The following PDPN variants were observed in gnomAD, a reference collection of about 807,000 sequenced individuals.
PDPN encodes PA2.26 antigen.
Under a neutral mutation model 23.2 loss-of-function variants are expected in PDPN, and 12 were observed. The observed-to-expected ratio is 0.52, with a 90% confidence interval of 0.33 to 0.84. The LOEUF is 0.84. Ranked by LOEUF, PDPN falls within the 40% of genes least tolerant of loss-of-function variation. PDPN has a pLI of 0.02. For missense variants in PDPN, 199 were observed against 212.2 expected (o/e 0.94, Z 0.39); for synonymous variants, 77 against 76.7 (o/e 1.00, Z -0.02).
chr1:13,603,962 AACTTCC>A (rs1450252750), intron 1 of PDPN, among the ~76,000 whole-genome samples: 1 of 152,196 alleles, frequency 6.6e-6, no homozygotes, highest in African/African-American at 2.4e-5. Flanking sequence ...CGCATTTGGA[AACTTCC>A]ACTGAGCCGT....
intron 2 of PDPN, among the ~76,000 whole-genome samples, chr1:13,609,030 G>T (rs530026687): frequency 1.3e-5 from 2 of 152,126 alleles, no homozygotes; most frequent in African/African-American, 4.8e-5. Flanking sequence ...GATTTGGCCC[G>T]CCCACTGTGT....
chr1:13,600,750 G>A (rs964172301), intron 1 of PDPN, among the ~76,000 whole-genome samples: 2 of 152,098 alleles, frequency 1.3e-5, no homozygotes, highest in African/African-American at 4.8e-5. Context: ...CAAGACCCCT[G>A]TAATAAGGGG....
At position 13,584,096 on chromosome 1, in the gene PDPN, A is replaced by C; in HGVS notation, c.63A>C (p.Glu21Asp). The change falls in exon 1 of 6, where the codon GAA becomes GAC. Residue 21 changes from glutamate (E) to aspartate (D), a missense_variant. Coordinates refer to ENST00000621990, the MANE Select transcript of PDPN (RefSeq NM_006474.5). ...LGSASLWVLA[E>D]GASTGQPEDD... Reference sequence around the variant, plus strand: ...GCGCGTCGCTCTGGGTCCTGGCAGAAGGAGGTAAGACCCAGCGCAAGTGGC... The same window carrying C: ...GCGCGTCGCTCTGGGTCCTGGCAGACGGAGGTAAGACCCAGCGCAAGTGGC... 1.2e-6 allele frequency: 2 copies of C among 1,612,960 alleles called. No homozygotes were observed. Among genetic ancestry groups the C allele is most frequent in the South Asian group, 2.2e-5 (2 of 91,070 alleles).
intron 1 of PDPN, among the ~76,000 whole-genome samples, chr1:13,605,628 C>CT (rs768414785): frequency 3.3e-4 from 50 of 151,470 alleles, no homozygotes; most frequent in South Asian, 2.9e-3. Flanking sequence ...CAGCAGAAAC[C>CT]TTTTTTTTTC....
At chr1:13,585,407 G>T (rs1640149587) in intron 1 of PDPN, 2 of 1,059,018 alleles carry the variant, frequency 1.9e-6, no homozygotes, top group South Asian at 1.6e-5. Flanking sequence ...TCCTATCTTT[G>T]GAACTTCTCT....
At chr1:13,599,611 CGACCTCA>C (rs1640591822) in intron 1 of PDPN, among the ~76,000 whole-genome samples, 3 of 151,850 alleles carry the variant, frequency 2.0e-5, no homozygotes, top group Admixed American at 2.0e-4. Flanking sequence ...TTCAAACTCC[CGACCTCA>C]AGTGATCCGT....
intron 5 of PDPN, 121 bp from the exon 6 acceptor site, chr1:13,615,784 G>T (rs1458398696): frequency 5.4e-6 from 5 of 917,856 alleles, no homozygotes; most frequent in South Asian, 1.4e-5. Context: ...AACAAGAGAT[G>T]ATCACCAGGT....
intron 1 of PDPN, among the ~76,000 whole-genome samples, chr1:13,605,917 G>C (rs1276681384): frequency 1.3e-5 from 2 of 151,830 alleles, no homozygotes; most frequent in African/African-American, 4.8e-5. Context: ...CACCACACCT[G>C]GCCCAGAAAC....
intron 1 of PDPN, among the ~76,000 whole-genome samples, chr1:13,603,487 A>G (rs1265425270): frequency 6.6e-6 from 1 of 152,208 alleles, no homozygotes; most frequent in Admixed American, 6.5e-5. Flanking sequence ...GATTTCATAT[A>G]AATAAGCATT....
chr1:13,589,620 C>T (rs1005343032), intron 1 of PDPN, among the ~76,000 whole-genome samples: 1 of 152,104 alleles, frequency 6.6e-6, no homozygotes, highest in Non-Finnish European at 1.5e-5. Context: ...CAGTAGCCCA[C>T]ACACAGACAC....
rs562461247 is a variant in PDPN, at chr1:13,610,207, CAT to C, written c.202-179_202-178del. On this transcript the variant is annotated intron_variant, in intron 2 of 5. Transcript: ENST00000621990. ...CTGTTGTGAATAATGCTGCTATGAA[CAT>C]GTGTGTACAACCGTCTCTTCAAGAT... Among the ~76,000 whole-genome samples the C allele has an allele frequency of 5.7e-3, 865 of 152,334 alleles. 4 individuals are homozygous for C. Among genetic ancestry groups the C allele is most frequent in the Non-Finnish European group, 8.7e-3 (593 of 68,036 alleles).
chr1:13,593,732 G>C (rs149132141), intron 1 of PDPN, among the ~76,000 whole-genome samples: 2 of 152,306 alleles, frequency 1.3e-5, no homozygotes, highest in African/African-American at 4.8e-5. Context: ...AATCAGCTCA[G>C]ATTTCCATTC....
intron 1 of PDPN, 167 bp downstream of exon 1, chr1:13,584,267 T>G: frequency 6.5e-7 from 1 of 1,531,876 alleles, no homozygotes; most frequent in Non-Finnish European, 8.7e-7. Flanking sequence ...AGGCAGCGGC[T>G]TAGTCGGTGC....
intron 5 of PDPN, 38 bp from the exon 6 acceptor site, chr1:13,615,867 G>GT: frequency 6.2e-7 from 1 of 1,603,498 alleles, no homozygotes; most frequent in South Asian, 1.1e-5. Context: ...CACAATGCCA[G>GT]TAAGAGACAC....
At chr1:13,589,169 C>G (rs1407055615) in intron 1 of PDPN, among the ~76,000 whole-genome samples, 3 of 152,174 alleles carry the variant, frequency 2.0e-5, no homozygotes, top group Non-Finnish European at 2.9e-5. Context: ...TTTGTTTTGT[C>G]ACAGTCTGGA....
At chr1:13,586,790 G>A (rs1239504088) in intron 1 of PDPN, among the ~76,000 whole-genome samples, 2 of 150,584 alleles carry the variant, frequency 1.3e-5, no homozygotes, top group South Asian at 2.1e-4. Context: ...AAAAGAGGCT[G>A]GGCATGGTGG....
chr1:13,602,244 C>T (rs573959813), intron 1 of PDPN, among the ~76,000 whole-genome samples: 7 of 152,158 alleles, frequency 4.6e-5, no homozygotes, highest in South Asian at 4.1e-4. Context: ...AGGAGAATGG[C>T]GTGAGCCCAG....
rs1570048877 is a variant in PDPN at position 13,607,309 on chromosome 1, C to A, written c.201+3C>A. 1.9e-6 allele frequency: 3 copies of A among 1,613,498 alleles called. No individual in the cohort carries two copies. In the South Asian group the frequency reaches 3.3e-5, roughly 18 times the overall value. ...ATAAGTCTGGCTTGACAACTCTGGT[C>A]AGTGTCCTGGGAAGAGAGGAATTTT... On this transcript the variant is annotated splice_donor_region_variant and intron_variant, in intron 2 of 5. Transcript: ENST00000621990.
chr1:13,614,158 G>T, intron 4 of PDPN, 142 bp from the exon 5 acceptor site: 1 of 585,162 alleles, frequency 1.7e-6, no homozygotes, highest in Non-Finnish European at 3.0e-6. Flanking sequence ...TCTCCTTTTG[G>T]AAGAAATGCT....
Sources: gnomAD v4.1 joint callset for allele counts (sites outside exome capture counted in the v4.1 genomes callset) on GRCh38, gnomAD v4.1.1 for gene constraint, MANE v1.5 for transcripts, NCBI Gene and HGNC (gene_info 2026-07-23, HGNC 2026-07-21) for gene names.